Variants in TNIK observed in about 807,000 individuals in gnomAD.
The protein encoded by TNIK is TRAF2 and NCK-interacting protein kinase.
TNIK carries 49 observed loss-of-function variants against 191.3 expected under a neutral mutation model. The observed-to-expected ratio is 0.26, with a 90% CI of 0.20 to 0.32. The LOEUF is 0.32. TNIK is among the 10% of genes least tolerant of loss of function. The pLI is 1.00. For synonymous variants in TNIK, 594 were observed against 600.9 expected (o/e 0.99, Z 0.17); for missense variants, 1,155 against 1,702.3 (o/e 0.68, Z 5.66).
intron 2 of TNIK, among the ~76,000 whole-genome samples, chr3:171,286,106 G>A (rs148960056): frequency 6.6e-5 from 10 of 152,238 alleles, no homozygotes; most frequent in African/African-American, 2.2e-4. Flanking sequence ...GGGGAGAGGG[G>A]TATATGTCTG....
intron 18 of TNIK, among the ~76,000 whole-genome samples, chr3:171,122,496 A>T (rs1033122421): frequency 6.6e-6 from 1 of 152,228 alleles, no homozygotes; most frequent in Non-Finnish European, 1.5e-5. Context: ...GCAATTGGTA[A>T]TTCCACACAG....
chr3:171,111,494 CAA>C (rs1725847785), intron 18 of TNIK, among the ~76,000 whole-genome samples: 2 of 148,890 alleles, frequency 1.3e-5, no homozygotes, highest in South Asian at 4.3e-4. Context: ...TGGCTGTTTT[CAA>C]AAGACAAAAG....
chr3:171,453,566 G>A (rs758700573), intron 1 of TNIK, among the ~76,000 whole-genome samples: 1 of 152,174 alleles, frequency 6.6e-6, no homozygotes, highest in Non-Finnish European at 1.5e-5. Flanking sequence ...TGTAGACTAA[G>A]GAGACAGAGA....
At position 171,189,522 on chromosome 3, in the gene TNIK, A is replaced by C. The variant is rs546099374; in HGVS notation, c.509-690T>G. 5.8e-4 allele frequency among the ~76,000 whole-genome samples: 88 copies of C among 152,328 alleles called. No homozygotes were observed. In the South Asian group the frequency reaches 0.018, roughly 31 times the overall value. ...AGAAAGGGTAGTATTTTGGGGATAC[A>C]AGACAAGTGATTAAAAGCAAAAGTC... On this transcript the variant is annotated intron_variant, in intron 6 of 32. Coordinates refer to ENST00000436636, the MANE Select transcript of TNIK (RefSeq NM_015028.4).
intron 24 of TNIK, 53 bp downstream of exon 24, chr3:171,087,289 G>A: frequency 1.2e-6 from 2 of 1,605,850 alleles, no homozygotes; most frequent in South Asian, 1.1e-5. Flanking sequence ...CATGGTTTTA[G>A]AACCCCAGGA....
chr3:171,372,639 G>T (rs762311113), intron 1 of TNIK, among the ~76,000 whole-genome samples: 25 of 152,170 alleles, frequency 1.6e-4, no homozygotes, highest in African/African-American at 5.5e-4. Flanking sequence ...CATGTGGGAT[G>T]CCCCCCAATA....
intron 22 of TNIK, among the ~76,000 whole-genome samples, chr3:171,094,640 C>T (rs1722488335): frequency 6.6e-6 from 1 of 152,156 alleles, no homozygotes; most frequent in South Asian, 2.1e-4. Flanking sequence ...CAGCAGACAA[C>T]CTGACCTGCT....
intron 1 of TNIK, among the ~76,000 whole-genome samples, chr3:171,417,232 T>C (rs1470335301): frequency 6.6e-6 from 1 of 152,238 alleles, no homozygotes; most frequent in Non-Finnish European, 1.5e-5. Context: ...CAAGATGTTC[T>C]TTCAATGTAT....
intron 1 of TNIK, among the ~76,000 whole-genome samples, chr3:171,439,231 C>T (rs1726435895): frequency 6.6e-6 from 1 of 151,696 alleles, no homozygotes; most frequent in African/African-American, 2.4e-5. Context: ...ATAGTCCCAG[C>T]TACTTGGGAG....
intron 15 of TNIK, among the ~76,000 whole-genome samples, chr3:171,129,235 C>T (rs1728914788): frequency 6.6e-6 from 1 of 152,066 alleles, no homozygotes; most frequent in Non-Finnish European, 1.5e-5. Flanking sequence ...GCACTCTAGA[C>T]AATCAAAGGG....
chr3:171,113,465 G>T (rs548102877), intron 18 of TNIK, among the ~76,000 whole-genome samples: 63 of 152,120 alleles, frequency 4.1e-4, no homozygotes, highest in African/African-American at 1.5e-3. Context: ...AATTAGCTGG[G>T]CGTGGTGGCA....
intron 2 of TNIK, among the ~76,000 whole-genome samples, chr3:171,320,411 C>A (rs1191285759): frequency 1.3e-5 from 2 of 151,850 alleles, no homozygotes; most frequent in East Asian, 3.9e-4. Context: ...GGAAAATGAC[C>A]CAGGAAAAAA....
At chr3:171,067,517 A>G (rs528828874) in intron 30 of TNIK, among the ~76,000 whole-genome samples, 1 of 151,994 alleles carries the variant, frequency 6.6e-6, no homozygotes, top group South Asian at 2.1e-4. Flanking sequence ...AAAAATACAA[A>G]AAATTAGCCG....
intron 1 of TNIK, among the ~76,000 whole-genome samples, chr3:171,430,647 C>CA (rs34307433): frequency 0.22 from 25,390 of 113,900 alleles, 3,874 homozygotes; most frequent in African/African-American, 0.49. Flanking sequence ...AAAAAACAGA[C>CA]AAAAAAAAAA....
At chr3:171,107,092 C>A in intron 21 of TNIK, 91 bp downstream of exon 21, 1 of 1,353,454 alleles carries the variant, frequency 7.4e-7, no homozygotes, top group South Asian at 1.4e-5. Flanking sequence ...GCTGATTGCT[C>A]CCATTGGCCA....
At chr3:171,124,563 A>G (rs1728209308) in intron 17 of TNIK, among the ~76,000 whole-genome samples, 1 of 152,250 alleles carries the variant, frequency 6.6e-6, no homozygotes, top group African/African-American at 2.4e-5. Context: ...GAATCCTAGT[A>G]TAGAAAATTA....
intron 1 of TNIK, among the ~76,000 whole-genome samples, chr3:171,442,381 A>AC (rs1191489881): frequency 2.6e-5 from 4 of 152,120 alleles, no homozygotes; most frequent in Non-Finnish European, 5.9e-5. Context: ...ACCCCCAGGT[A>AC]CTCTTTGCAA....
intron 1 of TNIK, among the ~76,000 whole-genome samples, chr3:171,398,060 G>A (rs1720473093): frequency 6.6e-6 from 1 of 152,178 alleles, no homozygotes; most frequent in Non-Finnish European, 1.5e-5. Flanking sequence ...ACAGGCTGGT[G>A]ATATGCATAC....
intron 2 of TNIK, among the ~76,000 whole-genome samples, chr3:171,261,034 A>G (rs891456104): frequency 5.9e-5 from 9 of 152,244 alleles, no homozygotes; most frequent in Admixed American, 5.9e-4. Context: ...TTAAAAGCTT[A>G]TGAGTCACAT....
Sources: gnomAD v4.1 joint callset for allele counts (sites outside exome capture counted in the v4.1 genomes callset) on GRCh38, gnomAD v4.1.1 for gene constraint, MANE v1.5 for transcripts, NCBI Gene and HGNC (gene_info 2026-07-23, HGNC 2026-07-21) for gene names.